Variants in RUNX1T1 observed in about 807,000 individuals in gnomAD.
The protein encoded by RUNX1T1 is protein CBFA2T1.
Under a neutral mutation model 62.8 loss-of-function variants are expected in RUNX1T1, and 4 were observed. The ratio of observed to expected loss-of-function variants is 0.06; its 90% confidence interval spans 0.03 to 0.15. RUNX1T1 has a LOEUF of 0.15. Among genes scored for constraint, RUNX1T1 ranks in the 10% least tolerant of loss-of-function variants. RUNX1T1 has a pLI of 1.00. For synonymous variants in RUNX1T1, 291 were observed against 286.0 expected, an observed-to-expected ratio of 1.02 and a Z score of -0.18; for missense variants, 508 against 754.3, an observed-to-expected ratio of 0.67 and a Z score of 3.82.
At chr8:91,986,929 T>C in exon 7 of RUNX1T1, 1 of 1,612,684 alleles carries the variant, frequency 6.2e-7, no homozygotes, top group Non-Finnish European at 8.5e-7. Flanking sequence ...CTCTGTCTGT[T>C]AGTCTGTGAT....
intron 1 of RUNX1T1, among the ~76,000 whole-genome samples, chr8:92,021,549 A>G (rs2131215540): frequency 6.6e-6 from 1 of 152,292 alleles, no homozygotes; most frequent in South Asian, 2.1e-4. Context: ...GATACTTGGC[A>G]TAACAGAATA....
chr8:92,039,078 A>G (rs146913408), intron 1 of RUNX1T1, among the ~76,000 whole-genome samples: 8 of 152,196 alleles, frequency 5.3e-5, no homozygotes, highest in Non-Finnish European at 1.2e-4. Flanking sequence ...AAGTTCCAAC[A>G]AAAGGACAAA....
chr8:92,015,318 G>C (rs1012412946), intron 2 of RUNX1T1, among the ~76,000 whole-genome samples: 1 of 152,142 alleles, frequency 6.6e-6, no homozygotes, highest in Non-Finnish European at 1.5e-5. Context: ...GGACTTTCAA[G>C]TTTTAACCTT....
chr8:92,087,987 A>G (rs1180473520), intron 1 of RUNX1T1, among the ~76,000 whole-genome samples: 1 of 152,216 alleles, frequency 6.6e-6, no homozygotes, highest in Non-Finnish European at 1.5e-5. Context: ...TATTTAAACA[A>G]AAGGATGAGA....
At position 92,057,380 on chromosome 8, in the gene RUNX1T1, C is replaced by T. The variant is rs367674929; in HGVS notation, c.7+5166G>A. On this transcript the variant is annotated intron_variant, in intron 1 of 10. Transcript: ENST00000396218. The stretch of plus-strand genomic sequence containing the variant: ...TCCCATCTCTACCATTTAACTTTAC[C>T]TATGTCCTTGGGCAAACTGCTTAAT... Among the ~76,000 whole-genome samples, 11 of 152,252 alleles carry T rather than the reference C, an allele frequency of 7.2e-5. No individual in the cohort carries two copies. The South Asian group carries it at 1.2e-3, about 17-fold the overall frequency.
In RUNX1T1 at chr8:92,099,578, A is replaced by G. The variant is rs1837946394; in HGVS notation, c.-86+2T>C. ...CTTTCTCACTGAACTTACATAACTT[A>G]CAGTAATAGACTCCGGCAAAATGCA... is the stretch of plus-strand genomic sequence containing the variant. On this transcript the variant is annotated splice_donor_variant, in intron 1 of 11. Transcript: ENST00000265814. LOFTEE classifies it low-confidence loss of function (5UTR_SPLICE). 1.0e-6 allele frequency: 1 copy of G among 972,180 alleles called. No homozygotes were observed. The highest frequency in any genetic ancestry group is 6.1e-5 in the Admixed American group (1 of 16,264). The allele number at this position is 972,180 out of a possible 1,614,324, so 60.2% of individuals were successfully genotyped here.
rs547921870 is a variant in RUNX1T1, at chr8:92,009,103, C to T, written c.477+1899G>A. On this transcript the variant is annotated intron_variant, in intron 4 of 10. Coordinates refer to ENST00000396218, the Ensembl canonical transcript of RUNX1T1. The stretch of plus-strand genomic sequence containing the variant: ...CGTATGGATGGTACAAGACAAGAGG[C>T]TTCCACACGTGGTACTCAGTTTAAT... Among the ~76,000 whole-genome samples, 4 of 152,310 alleles carry T rather than the reference C, an allele frequency of 2.6e-5. No homozygotes were observed. In the South Asian group the frequency reaches 6.2e-4, roughly 24 times the overall value.
At chr8:92,020,890 C>T (rs1413282625) in intron 1 of RUNX1T1, among the ~76,000 whole-genome samples, 2 of 142,296 alleles carry the variant, frequency 1.4e-5, no homozygotes, top group Non-Finnish European at 3.0e-5. Flanking sequence ...ACTTACTTTA[C>T]TTTTAGTTAG....
chr8:92,081,465 T>C (rs1835250670), intron 1 of RUNX1T1, among the ~76,000 whole-genome samples: 1 of 150,432 alleles, frequency 6.6e-6, no homozygotes, highest in African/African-American at 2.4e-5. Flanking sequence ...AACCAAAATA[T>C]GTGGAATTAA....
At chr8:91,975,424 G>A (rs1399058635) in intron 9 of RUNX1T1, among the ~76,000 whole-genome samples, 12 of 151,290 alleles carry the variant, frequency 7.9e-5, no homozygotes, top group African/African-American at 2.2e-4. Context: ...TTTAAAAGTC[G>A]ATTGTAACCA....
At chr8:92,033,798 C>T (rs1314966720) in intron 1 of RUNX1T1, among the ~76,000 whole-genome samples, 3 of 151,986 alleles carry the variant, frequency 2.0e-5, no homozygotes, top group Non-Finnish European at 2.9e-5. Context: ...GGTGAAACCC[C>T]GTCTCCACTA....
chr8:92,064,669 T>G (rs1420530188), upstream of RUNX1T1, among the ~76,000 whole-genome samples: 1 of 152,182 alleles, frequency 6.6e-6, no homozygotes, highest in South Asian at 2.1e-4. Context: ...ATTTTCACAG[T>G]GGGAAACCCA....
intron 10 of RUNX1T1, among the ~76,000 whole-genome samples, chr8:91,963,352 A>C (rs2130482046): frequency 6.6e-6 from 1 of 152,364 alleles, no homozygotes; most frequent in South Asian, 2.1e-4. Flanking sequence ...TGGTTAAAAA[A>C]AAATCTGCAA....
At chr8:92,083,247 A>C (rs552612613) in intron 1 of RUNX1T1, among the ~76,000 whole-genome samples, 1 of 152,322 alleles carries the variant, frequency 6.6e-6, no homozygotes, top group Non-Finnish European at 1.5e-5. Context: ...AAACTTGACA[A>C]ATGGGATCTA....
exon 9 of RUNX1T1, chr8:91,975,952 T>C: frequency 6.2e-7 from 1 of 1,613,360 alleles, no homozygotes; most frequent in African/African-American, 1.3e-5. Context: ...CGCAGGCCTG[T>C]GAAGGAATTC....
intron 1 of RUNX1T1, chr8:92,095,449 C>T: frequency 1.3e-6 from 2 of 1,535,324 alleles, no homozygotes; most frequent in Non-Finnish European, 1.7e-6. Flanking sequence ...GAAGTAAAAG[C>T]CTTGTCAGGA....
intron 1 of RUNX1T1, among the ~76,000 whole-genome samples, chr8:92,033,904 G>A (rs1163166206): frequency 2.6e-5 from 4 of 152,116 alleles, no homozygotes; most frequent in Non-Finnish European, 5.9e-5. Context: ...GGGAGGTGGA[G>A]GTTGCAGTGA....
At chr8:91,955,738 C>T (rs1586653368), downstream of RUNX1T1, 3 of 225,120 alleles carry the variant, frequency 1.3e-5, no homozygotes, top group East Asian at 1.9e-4. Flanking sequence ...AAAGTCAGAA[C>T]ATTCAGAGGA....
At chr8:91,956,061 A>C (rs1809330673), downstream of RUNX1T1, 1 of 230,082 alleles carries the variant, frequency 4.3e-6, no homozygotes. Context: ...TCGGGTATGC[A>C]CAAGGCAGCC....
Sources: gnomAD v4.1 joint callset for allele counts (sites outside exome capture counted in the v4.1 genomes callset) on GRCh38, gnomAD v4.1.1 for gene constraint, MANE v1.5 for transcripts, NCBI Gene and HGNC (gene_info 2026-07-23, HGNC 2026-07-21) for gene names.